MFSD12: variants seen among roughly 807,000 people sequenced by gnomAD.
MFSD12 encodes the protein major facilitator superfamily domain-containing protein 12.
Under a neutral mutation model 51.2 loss-of-function variants are expected in MFSD12, and 67 were observed. The ratio of observed to expected loss-of-function variants is 1.31; its 90% CI spans 1.08 to 1.60. The LOEUF (loss-of-function observed/expected upper bound fraction) is 1.60, where lower values mean the gene tolerates loss of function less well. MFSD12 is among the 40% of genes most tolerant of loss of function. The pLI is 0.00. For synonymous variants in MFSD12, 441 were observed against 316.7 expected (o/e 1.39, Z -4.17); for missense variants, 921 against 673.0 (o/e 1.37, Z -4.08).
chr19:3,550,457 T>TAAA (rs1029038665), intron 2 of MFSD12, among the ~76,000 whole-genome samples: 2 of 151,832 alleles, frequency 1.3e-5, no homozygotes, highest in Non-Finnish European at 2.9e-5. Flanking sequence ...AGTGGCGCTA[T>TAAA]CTTGGCTCAC....
Position 3,551,271 on chromosome 19 carries a change from G to A in MFSD12, c.299-77C>T. The A allele has an allele frequency of 3.3e-6, 4 of 1,212,210 alleles. No homozygotes were observed. The highest frequency in any genetic ancestry group is 5.6e-4 in the Middle Eastern group (2 of 3,554). 75.1% of individuals were successfully genotyped at this position (1,212,210 alleles called of 1,614,324 possible). A position where few individuals can be genotyped will look rare whatever the true frequency, so the allele number is the denominator to read the frequency against. On this transcript the variant is annotated intron_variant, in intron 1 of 9. Transcript: ENST00000355415. This position sits in a 1 kb window ranked among gnomAD's most constrained non-coding sequence, Gnocchi z 4.6. ...TCCCAGGGTGAGGACATGGAGGGAG[G>A]AGAGAGGGAAACTGAGGCACAGATG...
chr19:3,543,903 C>T (rs923692839), downstream of MFSD12: 14 of 1,551,098 alleles, frequency 9.0e-6, no homozygotes, highest in African/African-American at 5.5e-5. Context: ...GTCGGCACCC[C>T]AGCGCCCGCC....
chr19:3,551,001 C>T lies in MFSD12; in HGVS notation c.492G>A (p.Val164=), dbSNP rs1219936600. ...PELVTNDHEK[V]ELTALRYAFT... ...GCTCCCACCTGAGTGCCGTGAGCTCCACCTTCTCATGGTCGTTGGTGACGA... is the reference window on the plus strand; with the variant it reads ...GCTCCCACCTGAGTGCCGTGAGCTCTACCTTCTCATGGTCGTTGGTGACGA... The change falls in exon 2 of 10, where the codon GTG becomes GTA. Residue 164 remains valine, a synonymous_variant. Transcript: ENST00000355415. This position sits in a 1 kb window ranked among gnomAD's most constrained non-coding sequence, Gnocchi z 4.6. 1.2e-6 allele frequency: 2 copies of T among 1,612,010 alleles called. No homozygotes were observed. The highest frequency in any genetic ancestry group is 1.7e-6 in the Non-Finnish European group (2 of 1,179,916).
rs748063066 is a variant in MFSD12 at position 3,546,350 on chromosome 19, C to G, written c.1099G>C (p.Ala367Pro). Residue 367 changes from alanine (A) to proline (P), a missense_variant, in exon 7 of 10, where the codon GCC (alanine) becomes CCC (proline). Coordinates refer to ENST00000355415, the MANE Select transcript of MFSD12 (RefSeq NM_174983.5). ...WVALAEGLGV[A>P]VYAAAVLLGA... ...AGCAGCACAGCCGCTGCGTACACGG[C>G]CACACCCAGTCCCTCCGCCAGCGCC... 6.2e-7 allele frequency: 1 copy of G among 1,607,810 alleles called. No individual in the cohort carries two copies. The highest frequency in any genetic ancestry group is 8.5e-7 in the Non-Finnish European group (1 of 1,177,950).
At chr19:3,547,772 G>C in intron 4 of MFSD12, 76 bp downstream of exon 4, 2 of 1,436,058 alleles carry the variant, frequency 1.4e-6, no homozygotes, top group South Asian at 2.9e-5. Flanking sequence ...GCGTCTGGAC[G>C]CAGCTGCCCC....
intron 2 of MFSD12, among the ~76,000 whole-genome samples, chr19:3,549,386 AGT>A (rs1212736241): frequency 4.6e-5 from 7 of 152,166 alleles, no homozygotes; most frequent in Admixed American, 1.3e-4. Flanking sequence ...GGGACTTCGC[AGT>A]GTGTTATAAC....
rs1599819318 is a variant in MFSD12 at position 3,544,649 on chromosome 19, TG to T, written c.*60del. ...CAGTGGGGGCTTTTCCCCAAGGCCC[TG>T]GGGGGCATCCTCGTGCGTCCCCACA... On this transcript the variant is annotated 3_prime_UTR_variant, in exon 10 of 10. Coordinates refer to ENST00000355415, the MANE Select transcript of MFSD12 (RefSeq NM_174983.5). 3.2e-6 allele frequency: 5 copies of T among 1,545,962 alleles called. No homozygotes were observed. The highest frequency in any genetic ancestry group is 1.9e-4 in the Middle Eastern group (1 of 5,140).
At chr19:3,554,087 T>A (rs2031617871) in intron 1 of MFSD12, among the ~76,000 whole-genome samples, 1 of 148,988 alleles carries the variant, frequency 6.7e-6, no homozygotes. Context: ...GTCTCAAAAA[T>A]AAAAAATAAA....
chr19:3,542,049 A>C, downstream of MFSD12: 1 of 760,714 alleles, frequency 1.3e-6, no homozygotes, highest in Non-Finnish European at 1.6e-6. Flanking sequence ...ACCTCAGGTG[A>C]TCTACCCACC....
At chr19:3,538,789 G>A in intron 4 of MFSD12, 1 of 536,098 alleles carries the variant, frequency 1.9e-6, no homozygotes, top group Non-Finnish European at 3.8e-6. Flanking sequence ...CTGGATGTGA[G>A]TGGGTGAGGA....
chr19:3,546,949 T>A (rs753012402), intron 6 of MFSD12, among the ~76,000 whole-genome samples: 36 of 152,114 alleles, frequency 2.4e-4, no homozygotes, highest in Non-Finnish European at 5.1e-4. Context: ...TTCTCCTGCC[T>A]CAGCCTCCCG....
chr19:3,547,180 A>T, intron 6 of MFSD12, 92 bp downstream of exon 6: 1 of 1,142,734 alleles, frequency 8.8e-7, no homozygotes, highest in Non-Finnish European at 1.3e-6. Flanking sequence ...GAGGCCTGAG[A>T]GCATCCGAGG....
Position 3,548,006 on chromosome 19 carries a change from C to A in MFSD12, c.679G>T (p.Val227Phe). 1 of 1,599,174 alleles carries A rather than the reference C, an allele frequency of 6.3e-7. No homozygotes were observed. The highest frequency in any genetic ancestry group is 1.1e-5 in the South Asian group (1 of 91,034). The change falls in exon 4 of 10, where the codon GTC becomes TTC. Residue 227 changes from valine (V) to phenylalanine (F), a missense_variant. Coordinates refer to ENST00000355415, the MANE Select transcript of MFSD12 (RefSeq NM_174983.5). ...AATAGCAGTGAGAACACGGCGCCGA[C>A]ACCCACCACCAGCAGGGACAGGTTC... ...FRNLSLLVVG[V>F]GAVFSLLFHL...
At chr19:3,542,886 T>C (rs1377437479), downstream of MFSD12, 1 of 1,402,044 alleles carries the variant, frequency 7.1e-7, no homozygotes, top group East Asian at 4.0e-5. Context: ...GGAAGGGACT[T>C]GTGGGTCTTG....
intron 2 of MFSD12, among the ~76,000 whole-genome samples, chr19:3,549,297 A>G (rs575098809): frequency 3.9e-5 from 6 of 152,018 alleles, no homozygotes; most frequent in African/African-American, 1.2e-4. Context: ...TCCCCGTGGC[A>G]GCAGCAGCTG....
rs1383616440 is a variant in MFSD12 at position 3,557,473 on chromosome 19, G to A, written c.-70C>T. ...GTACCCTGGCCAGGCCTTCTTGGGT[G>A]CCGTGGGGGCAGGCGCCGGGGACCC... On this transcript the variant is annotated 5_prime_UTR_variant, in exon 1 of 10. Transcript: ENST00000355415. 9.0e-5 allele frequency: 91 copies of A among 1,012,534 alleles called. No individual in the cohort carries two copies. The highest frequency in any genetic ancestry group is 1.1e-4 in the Non-Finnish European group (90 of 807,406). The allele number at this position is 1,012,534 out of a possible 1,614,324, so 62.7% of individuals were successfully genotyped here.
In MFSD12 at chr19:3,547,520, G is replaced by C; in HGVS notation, c.865C>G (p.Leu289Val). ...QVGILYMTTRLIVNLSQTYMA... is the reference protein window; with the variant it reads ...QVGILYMTTRVIVNLSQTYMA... ...TAGGTCTGGGACAGGTTCACGATGA[G>C]CCTGGTGGTCATGTACAGTATGCCC... Residue 289 changes from leucine (L) to valine (V), a missense_variant, in exon 5 of 10, where the codon CTC (leucine) becomes GTC (valine). Transcript: ENST00000355415. 6 of 1,612,618 alleles carry C rather than the reference G, an allele frequency of 3.7e-6. No homozygotes were observed. The highest frequency in any genetic ancestry group is 5.1e-6 in the Non-Finnish European group (6 of 1,179,716).
At chr19:3,542,480 C>G, downstream of MFSD12, 1 of 984,422 alleles carries the variant, frequency 1.0e-6, no homozygotes, top group Non-Finnish European at 1.2e-6. Flanking sequence ...AGTCTCTTGT[C>G]TTTTTGTTTT....
At position 3,548,183 on chromosome 19, in the gene MFSD12, C is replaced by T; in HGVS notation, c.594G>A (p.Glu198=). 2 of 1,587,014 alleles carry T rather than the reference C, an allele frequency of 1.3e-6. No individual in the cohort carries two copies. The highest frequency in any genetic ancestry group is 2.3e-5 in the East Asian group (1 of 43,096). ...CGCTGATGCTGATGTCTTGGGTGGG[C>T]TCCACCCGCGACGAGCCCTGCAGGT... The part of the protein sequence containing the change: ...LLHLQGSSRV[E]PTQDISISDQ... The change falls in exon 3 of 10, where the codon GAG becomes GAA. Residue 198 remains glutamate (E), a synonymous_variant. Transcript: ENST00000355415.
Sources: gnomAD v4.1 joint callset for allele counts (sites outside exome capture counted in the v4.1 genomes callset) on GRCh38, gnomAD v4.1.1 for gene constraint, Gnocchi (gnomAD v3.1) non-coding constraint, MANE v1.5 for transcripts, NCBI Gene and HGNC (gene_info 2026-07-23, HGNC 2026-07-21) for gene names.